KLHL14: variants seen among roughly 807,000 people sequenced by gnomAD.
KLHL14 encodes the protein kelch like family member 14.
Under a neutral mutation model 64.3 loss-of-function variants are expected in KLHL14, and 22 were observed. That is an observed-to-expected ratio of 0.34 (90% CI 0.24 to 0.49). The LOEUF (loss-of-function observed/expected upper bound fraction) is 0.49. Ranked by LOEUF, KLHL14 falls within the 20% of genes least tolerant of loss-of-function variation. The pLI is 0.99. For synonymous variants in KLHL14, 322 were observed against 333.4 expected (o/e 0.97, Z 0.37); for missense variants, 661 against 789.0 (o/e 0.84, Z 1.94).
intron 3 of KLHL14, among the ~76,000 whole-genome samples, chr18:32,703,741 C>A (rs1372054635): frequency 6.6e-6 from 1 of 152,162 alleles, no homozygotes; most frequent in Non-Finnish European, 1.5e-5. Flanking sequence ...AATATTTTCA[C>A]TAATATATTC....
At chr18:32,749,901 C>G (rs1395173301) in intron 2 of KLHL14, among the ~76,000 whole-genome samples, 2 of 152,086 alleles carry the variant, frequency 1.3e-5, no homozygotes, top group African/African-American at 2.4e-5. Flanking sequence ...ATACCATAGA[C>G]TGCGTGGCTT....
chr18:32,713,196 C>G (rs1244371739), intron 3 of KLHL14, among the ~76,000 whole-genome samples: 1 of 152,154 alleles, frequency 6.6e-6, no homozygotes, highest in African/African-American at 2.4e-5. Context: ...TGTCCTCCTC[C>G]TTACAGAAAA....
At chr18:32,702,048 C>A (rs961958698) in intron 3 of KLHL14, among the ~76,000 whole-genome samples, 3 of 152,140 alleles carry the variant, frequency 2.0e-5, no homozygotes, top group Non-Finnish European at 2.9e-5. Flanking sequence ...TGTTTTCATA[C>A]ATTTAAAATC....
intron 2 of KLHL14, among the ~76,000 whole-genome samples, chr18:32,747,159 T>C (rs1299926283): frequency 2.6e-5 from 4 of 152,342 alleles, no homozygotes; most frequent in Admixed American, 2.6e-4. Context: ...CCTCTTAAGC[T>C]GAGCTGAAAA....
intron 3 of KLHL14, among the ~76,000 whole-genome samples, chr18:32,698,740 A>G (rs1200296992): frequency 6.6e-6 from 1 of 152,202 alleles, no homozygotes; most frequent in African/African-American, 2.4e-5. Context: ...AGAAAGAAAA[A>G]GCCAGAAAAT....
At chr18:32,747,973 CCTA>C (rs904615661) in intron 2 of KLHL14, among the ~76,000 whole-genome samples, 4 of 152,126 alleles carry the variant, frequency 2.6e-5, no homozygotes, top group African/African-American at 9.7e-5. Flanking sequence ...TAACTGAGTT[CCTA>C]CTATGTTCCA....
At chr18:32,737,732 AACC>A (rs1191238733) in intron 3 of KLHL14, 1 of 152,158 alleles carries the variant, frequency 6.6e-6, no homozygotes, top group African/African-American at 2.4e-5. Context: ...CAACCTAGGA[AACC>A]ACCACCCAAC....
chr18:32,762,678 C>G (rs2050320737), intron 2 of KLHL14, among the ~76,000 whole-genome samples: 1 of 152,114 alleles, frequency 6.6e-6, no homozygotes, highest in African/African-American at 2.4e-5. Context: ...TAGCCTTTCT[C>G]TGGTTAAGTG....
At chr18:32,693,862 G>C (rs2049923987) in intron 4 of KLHL14, among the ~76,000 whole-genome samples, 1 of 152,164 alleles carries the variant, frequency 6.6e-6, no homozygotes, top group Non-Finnish European at 1.5e-5. Flanking sequence ...TGATTCTCTA[G>C]ACTAGAGGAA....
chr18:32,689,666 C>T (rs1449251727), intron 4 of KLHL14, among the ~76,000 whole-genome samples: 9 of 152,062 alleles, frequency 5.9e-5, no homozygotes, highest in Non-Finnish European at 1.0e-4. Flanking sequence ...TTTCAAAGTT[C>T]GGACACACTG....
chr18:32,704,871 G>C (rs867677880), intron 3 of KLHL14, among the ~76,000 whole-genome samples: 96 of 150,732 alleles, frequency 6.4e-4, no homozygotes, highest in African/African-American at 2.1e-3. Flanking sequence ...TGTGTAGACA[G>C]AGAGAGAGAG....
chr18:32,699,437 A>C (rs966788719), intron 3 of KLHL14, among the ~76,000 whole-genome samples: 1 of 152,164 alleles, frequency 6.6e-6, no homozygotes, highest in African/African-American at 2.4e-5. Context: ...AAATTGGCTC[A>C]CATCTTTCAT....
chr18:32,703,071 G>T (rs2049974232), intron 3 of KLHL14, among the ~76,000 whole-genome samples: 1 of 152,036 alleles, frequency 6.6e-6, no homozygotes, highest in African/African-American at 2.4e-5. Context: ...TGTATCACTT[G>T]CCAAGTGATG....
rs533529924 is a variant in KLHL14 at position 32,683,220 on chromosome 18, T to A, written c.1239-2621A>T. 6.6e-6 allele frequency among the ~76,000 whole-genome samples: 1 copy of A among 152,282 alleles called. No homozygotes were observed. Among genetic ancestry groups the A allele is most frequent in the South Asian group, 2.1e-4 (1 of 4,818 alleles). ...AGCCAAGGCGTTCTTCATGCGACAC[T>A]TCGTGTGTACTCCTAGCTTTATCCA... On this transcript the variant is annotated intron_variant, in intron 5 of 8. Coordinates refer to ENST00000359358, the MANE Select transcript of KLHL14 (RefSeq NM_020805.3). The surrounding 1 kb of genome is among the most constrained non-coding windows in gnomAD (Gnocchi z 4.2).
In KLHL14 at chr18:32,678,840, C is replaced by T. The variant is rs1020793642; in HGVS notation, c.1588+1329G>A. Among the ~76,000 whole-genome samples, 6 of 152,246 alleles carry T rather than the reference C, an allele frequency of 3.9e-5. No homozygotes were observed. The East Asian group carries it at 9.7e-4, about 25-fold the overall frequency. ...AGCTAACCCAGTTTTGATGTGTGCA[C>T]ACTATTTCTCATTTAGATTGTCATT... is the stretch of plus-strand genomic sequence containing the variant. On this transcript the variant is annotated intron_variant, in intron 7 of 8. Transcript: ENST00000359358.
At chr18:32,748,791 C>G (rs1319891868) in intron 2 of KLHL14, among the ~76,000 whole-genome samples, 1 of 152,092 alleles carries the variant, frequency 6.6e-6, no homozygotes, top group Non-Finnish European at 1.5e-5. Context: ...GGCCTGGCCT[C>G]TTTGCCTCTC....
At chr18:32,694,911 G>A (rs372254389) in intron 4 of KLHL14, among the ~76,000 whole-genome samples, 1 of 152,168 alleles carries the variant, frequency 6.6e-6, no homozygotes, top group African/African-American at 2.4e-5. Context: ...TTTGCAATAA[G>A]TTTATGATGT....
chr18:32,706,523 T>C (rs1321683816), intron 3 of KLHL14, among the ~76,000 whole-genome samples: 2 of 152,214 alleles, frequency 1.3e-5, no homozygotes, highest in African/African-American at 4.8e-5. Context: ...TTATGAATGA[T>C]ATGAATATTT....
chr18:32,695,533 GGCACTGTTGTATGGCA>G lies in KLHL14; in HGVS notation c.1073_1088del (p.Met358ThrfsTer66). 6.2e-7 allele frequency: 1 copy of G among 1,610,362 alleles called. No homozygotes were observed. Among genetic ancestry groups the G allele is most frequent in the Non-Finnish European group, 8.5e-7 (1 of 1,176,962 alleles). ...TTTCCACCTCCACAACGCAGTGGTG[GGCACTGTTGTATGGCA>G]TAACTGAAATTAAGAAAAAAAAAAA... On this transcript the variant is annotated frameshift_variant, in exon 4 of 9. Coordinates refer to ENST00000359358, the MANE Select transcript of KLHL14 (RefSeq NM_020805.3). LOFTEE classifies it high-confidence loss of function.
Sources: allele counts gnomAD v4.1 joint callset (sites outside exome capture counted in the v4.1 genomes callset), GRCh38; gene constraint gnomAD v4.1.1; non-coding constraint Gnocchi (gnomAD v3.1); transcripts MANE v1.5; gene names NCBI Gene and HGNC (gene_info 2026-07-23, HGNC 2026-07-21).